The following KCNMB3 variants were observed in gnomAD, a reference collection of about 807,000 sequenced individuals.
KCNMB3 encodes the protein calcium-activated potassium channel subunit beta-3.
KCNMB3 carries 18 observed loss-of-function variants against 11.9 expected under a neutral mutation model. The ratio of observed to expected loss-of-function variants is 1.51; its 90% CI spans 1.04 to 2.23. The LOEUF (loss-of-function observed/expected upper bound fraction) is 2.23. KCNMB3 is among the 30% of genes most tolerant of loss of function. The probability of loss-of-function intolerance (pLI) is 0.00; values close to 1 mark genes in which losing one functional copy is unlikely to be tolerated. For missense variants in KCNMB3, 247 were observed against 329.4 expected, an observed-to-expected ratio of 0.75 and a Z score of 1.94; for synonymous variants, 78 against 119.2, an observed-to-expected ratio of 0.65 and a Z score of 2.25.
chr3:179,265,133 C>G (rs1726337099), intron 1 of KCNMB3, among the ~76,000 whole-genome samples: 1 of 152,132 alleles, frequency 6.6e-6, no homozygotes, highest in Admixed American at 6.5e-5. Context: ...GATCTTTTGC[C>G]ATAAAGTAAT....
chr3:179,243,414 A>G (rs1725529472), intron 2 of KCNMB3, 130 bp from the exon 3 acceptor site: 1 of 622,412 alleles, frequency 1.6e-6, no homozygotes, highest in Admixed American at 2.9e-5. Context: ...AGGTGGTAAA[A>G]TATTACATAG....
At chr3:179,260,431 C>G in intron 1 of KCNMB3, 5 of 1,613,816 alleles carry the variant, frequency 3.1e-6, no homozygotes, top group Non-Finnish European at 4.2e-6. Flanking sequence ...GTGAATACCT[C>G]TATGTCCACA....
At chr3:179,259,285 C>CGCTCTCTGGTTCTTCAG in intron 1 of KCNMB3, 1 of 1,548,928 alleles carries the variant, frequency 6.5e-7, no homozygotes. Context: ...TCTGCATCTT[C>CGCTCTCTGGTTCTTCAG]GCTCTCTGGT....
At chr3:179,262,294 G>A (rs998557535) in intron 1 of KCNMB3, among the ~76,000 whole-genome samples, 6 of 152,304 alleles carry the variant, frequency 3.9e-5, no homozygotes, top group South Asian at 2.1e-4. Flanking sequence ...AACTGTGTCC[G>A]GAATTGGTGG....
intron 2 of KCNMB3, among the ~76,000 whole-genome samples, chr3:179,244,209 T>C (rs986499743): frequency 1.3e-5 from 2 of 151,960 alleles, no homozygotes; most frequent in African/African-American, 4.8e-5. Flanking sequence ...TGGCGCGGAG[T>C]GGAATCTCCA....
rs564543924 is a variant in KCNMB3, at chr3:179,245,524, G to GA, written c.249-832dup. On this transcript the variant is annotated intron_variant, in intron 1 of 2. Coordinates refer to ENST00000392685, the MANE Select transcript of KCNMB3 (RefSeq NM_171830.2). ...CTGAATTAATTTTTTTGGGGGGGGG[G>GA]ATGGAGTTTCGCTCTTGTTGCCCAG... Among the ~76,000 whole-genome samples the GA allele has an allele frequency of 9.4e-4, 141 of 150,592 alleles. 5 individuals are homozygous for GA. In the South Asian group the frequency reaches 0.029, roughly 31 times the overall value.
At chr3:179,244,759 G>A (rs1725581426) in intron 1 of KCNMB3, 66 bp from the exon 2 acceptor site, 2 of 1,422,876 alleles carry the variant, frequency 1.4e-6, no homozygotes, top group East Asian at 2.4e-5. Context: ...TTTTGGTGTG[G>A]TTATGAGCTT....
intron 1 of KCNMB3, chr3:179,260,235 G>C: frequency 1.2e-6 from 2 of 1,613,934 alleles, no homozygotes; most frequent in Non-Finnish European, 1.7e-6. Flanking sequence ...CTCAAGGGGA[G>C]TTCTGGTCCT....
downstream of KCNMB3, chr3:179,240,367 G>A (rs1202647651): frequency 1.2e-5 from 3 of 257,834 alleles, no homozygotes; most frequent in South Asian, 7.1e-5. Flanking sequence ...TTATATGCTT[G>A]TATTTTAAGA....
intron 1 of KCNMB3, chr3:179,261,265 G>A: frequency 7.7e-7 from 1 of 1,306,848 alleles, no homozygotes; most frequent in Non-Finnish European, 9.9e-7. Context: ...TGGCCGCGGG[G>A]CTGGTCAACC....
chr3:179,251,393 C>T (rs1380997958), upstream of KCNMB3: 4 of 1,428,920 alleles, frequency 2.8e-6, no homozygotes, highest in African/African-American at 5.7e-5. Context: ...CTTTCATATT[C>T]ACCTGTTGGA....
At chr3:179,242,059 A>C (rs1267732045), downstream of KCNMB3, 7 of 153,720 alleles carry the variant, frequency 4.6e-5, no homozygotes, top group Non-Finnish European at 8.8e-5. Flanking sequence ...AACTTAGTGA[A>C]TTTTCTAGGC....
At chr3:179,255,409 T>C (rs895735822), upstream of KCNMB3, among the ~76,000 whole-genome samples, 1 of 151,858 alleles carries the variant, frequency 6.6e-6, no homozygotes, top group Non-Finnish European at 1.5e-5. Context: ...AAAGAATTTA[T>C]AGAAATCAAA....
intron 1 of KCNMB3, among the ~76,000 whole-genome samples, chr3:179,265,601 C>T (rs887896295): frequency 2.6e-5 from 4 of 152,064 alleles, no homozygotes; most frequent in Admixed American, 1.3e-4. Context: ...GGATTACAGG[C>T]GCGCCACCAC....
chr3:179,256,918 T>C (rs1159493422), intron 1 of KCNMB3, among the ~76,000 whole-genome samples: 1 of 152,124 alleles, frequency 6.6e-6, no homozygotes, highest in Non-Finnish European at 1.5e-5. Context: ...TCCCAACACT[T>C]TGGGAAACCA....
At chr3:179,265,062 A>G (rs1296046058) in intron 1 of KCNMB3, among the ~76,000 whole-genome samples, 1 of 152,232 alleles carries the variant, frequency 6.6e-6, no homozygotes, top group Non-Finnish European at 1.5e-5. Flanking sequence ...CTGCCTTTAT[A>G]TCTAGTTAAT....
intron 1 of KCNMB3, among the ~76,000 whole-genome samples, chr3:179,261,462 G>C (rs1431338502): frequency 1.3e-5 from 2 of 151,934 alleles, no homozygotes; most frequent in Admixed American, 6.6e-5. Context: ...GACTGGGCTC[G>C]GGCGCAGCCG....
chr3:179,258,354 T>A (rs1726091385), intron 1 of KCNMB3, among the ~76,000 whole-genome samples: 1 of 152,200 alleles, frequency 6.6e-6, no homozygotes, highest in African/African-American at 2.4e-5. Flanking sequence ...TCATCAACAA[T>A]GAGATCCAAA....
chr3:179,259,378 T>A, intron 1 of KCNMB3: 1 of 1,577,582 alleles, frequency 6.3e-7, no homozygotes, highest in South Asian at 1.2e-5. Context: ...CCACCAGCCC[T>A]CGGGCCTGAT....
Sources: allele counts gnomAD v4.1 joint callset (sites outside exome capture counted in the v4.1 genomes callset), GRCh38; gene constraint gnomAD v4.1.1; transcripts MANE v1.5; gene names NCBI Gene and HGNC (gene_info 2026-07-23, HGNC 2026-07-21).